SLC2A1: variants seen among roughly 807,000 people sequenced by gnomAD.
The protein encoded by SLC2A1 is solute carrier family 2, facilitated glucose transporter member 1.
A neutral mutation model predicts 46.6 loss-of-function variants in SLC2A1; 4 were observed. The ratio of observed to expected loss-of-function variants is 0.09; its 90% confidence interval spans 0.04 to 0.20. The LOEUF (loss-of-function observed/expected upper bound fraction) is 0.20, where lower values mean the gene tolerates loss of function less well. Among genes scored for constraint, SLC2A1 ranks in the 10% least tolerant of loss-of-function variants. SLC2A1 has a pLI of 1.00. For synonymous variants in SLC2A1, 253 were observed against 270.0 expected, an observed-to-expected ratio of 0.94 and a Z score of 0.62; for missense variants, 352 against 667.0, an observed-to-expected ratio of 0.53 and a Z score of 5.20.
Position 42,943,948 on chromosome 1 carries a change from G to T in SLC2A1, c.19-627C>A, listed in dbSNP as rs115937370. ...CCCTACCCTTCCTGCTGTTCACAGG[G>T]CAGGAAACTGAGCCCTGAGAGGGTG... On this transcript the variant is annotated intron_variant, in intron 1 of 9. Coordinates refer to ENST00000426263, the MANE Select transcript of SLC2A1 (RefSeq NM_006516.4). 4.6e-3 allele frequency among the ~76,000 whole-genome samples: 703 copies of T among 152,250 alleles called. 7 individuals carry two copies. The highest frequency in any genetic ancestry group is 0.016 in the African/African-American group (660 of 41,542).
intron 2 of SLC2A1, among the ~76,000 whole-genome samples, chr1:42,934,800 T>C (rs1643525899): frequency 6.6e-6 from 1 of 152,132 alleles, no homozygotes; most frequent in Admixed American, 6.5e-5. Context: ...AAACACTTGA[T>C]GCTGCCACCA....
At chr1:42,946,620 G>A (rs569013867) in intron 1 of SLC2A1, among the ~76,000 whole-genome samples, 1 of 152,316 alleles carries the variant, frequency 6.6e-6, no homozygotes, top group Non-Finnish European at 1.5e-5. Context: ...AGTCTGCCAA[G>A]TGGGAAAGCA....
intron 2 of SLC2A1, among the ~76,000 whole-genome samples, chr1:42,933,620 G>A (rs1283001135): frequency 6.6e-6 from 1 of 152,134 alleles, no homozygotes; most frequent in Non-Finnish European, 1.5e-5. Context: ...GTTCTTCTGT[G>A]GACGAAACTA....
rs373252084 is a variant in SLC2A1, at chr1:42,947,565, TACACAC to T, written c.19-4250_19-4245del. On this transcript the variant is annotated intron_variant, in intron 1 of 9. Coordinates refer to ENST00000426263, the MANE Select transcript of SLC2A1 (RefSeq NM_006516.4). ...GGTGAAACCAGGTCTCTACTAAAAT[TACACAC>T]ACACACACACAAAAAAAAAAAAAAA... Among the ~76,000 whole-genome samples, 845 of 89,624 alleles carry T rather than the reference TACACAC, an allele frequency of 9.4e-3. 50 individuals carry two copies. Among genetic ancestry groups the T allele is most frequent in the Middle Eastern group, 0.039 (6 of 152 alleles). The allele number at this position is 89,624 out of a possible 152,430, so 58.8% of individuals were successfully genotyped here. A position where few individuals can be genotyped will look rare whatever the true frequency, so the allele number is the denominator to read the frequency against.
chr1:42,927,065 G>A lies in SLC2A1; in HGVS notation c.1455C>T (p.Pro485=), dbSNP rs781293364. ...CTCACACTTGGGAATCAGCCCCCAG[G>A]GGATGGAACAGCTCCTCGGGTGTCT... ...SDKTPEELFH[P]LGADSQV The change falls in exon 10 of 10, where the codon CCC becomes CCT. Residue 485 remains proline, a synonymous_variant. Coordinates refer to ENST00000426263, the MANE Select transcript of SLC2A1 (RefSeq NM_006516.4). This position sits in a 1 kb window ranked among gnomAD's most constrained non-coding sequence, Gnocchi z 5.3. 6.2e-7 allele frequency: 1 copy of A among 1,614,136 alleles called. No individual in the cohort carries two copies. Among genetic ancestry groups the A allele is most frequent in the South Asian group, 1.1e-5 (1 of 91,082 alleles).
At chr1:42,952,913 A>G (rs1382016751) in intron 1 of SLC2A1, among the ~76,000 whole-genome samples, 2 of 152,198 alleles carry the variant, frequency 1.3e-5, no homozygotes, top group Non-Finnish European at 2.9e-5. Flanking sequence ...GCACTCCCCA[A>G]GCCTGCTGCA....
chr1:42,953,243 A>G (rs1181209856), intron 1 of SLC2A1, among the ~76,000 whole-genome samples: 1 of 152,250 alleles, frequency 6.6e-6, no homozygotes, highest in African/African-American at 2.4e-5. Context: ...GTGTGGTCAC[A>G]AAGAGAGGAG....
chr1:42,951,145 T>C (rs188548277), intron 1 of SLC2A1, among the ~76,000 whole-genome samples: 1 of 152,286 alleles, frequency 6.6e-6, no homozygotes, highest in East Asian at 1.9e-4. Context: ...CTATGGAACT[T>C]GATAGGTTAG....
In SLC2A1 at chr1:42,930,199, G is replaced by A. The variant is rs1643474264; in HGVS notation, c.517-164C>T. ...AGCCCTGTTTCTCAGTTTCCTCATC[G>A]GTCACATGGGAAAAGTAGGACCTAC... On this transcript the variant is annotated intron_variant, in intron 4 of 9. Coordinates refer to ENST00000426263, the MANE Select transcript of SLC2A1 (RefSeq NM_006516.4). The surrounding 1 kb of genome is among the most constrained non-coding windows in gnomAD (Gnocchi z 6.2). 13 of 781,148 alleles carry A rather than the reference G, an allele frequency of 1.7e-5. No homozygotes were observed. Among genetic ancestry groups the A allele is most frequent in the South Asian group, 8.1e-5 (5 of 61,816 alleles). The allele number at this position is 781,148 out of a possible 1,614,324, so 48.4% of individuals were successfully genotyped here.
At chr1:42,956,600 T>TAAAAATAA (rs1201056122) in intron 1 of SLC2A1, among the ~76,000 whole-genome samples, 2 of 151,430 alleles carry the variant, frequency 1.3e-5, no homozygotes, top group Non-Finnish European at 2.9e-5. Flanking sequence ...AATAAATAAA[T>TAAAAATAA]AAAAATAAAA....
In SLC2A1 at chr1:42,945,277, T is replaced by G. The variant is rs180989327; in HGVS notation, c.19-1956A>C. Among the ~76,000 whole-genome samples the G allele has an allele frequency of 2.4e-3, 372 of 152,296 alleles. 3 individuals are homozygous for G. The Middle Eastern group carries it at 0.031, about 13-fold the overall frequency. The stretch of plus-strand genomic sequence containing the variant: ...TTTAAGAAAACGTGGCATAGTGATA[T>G]AATGGAATACATAACCTGGGAGTTC... On this transcript the variant is annotated intron_variant, in intron 1 of 9. Transcript: ENST00000426263.
chr1:42,930,954 A>AT lies in SLC2A1; in HGVS notation c.276-89dup. On this transcript the variant is annotated intron_variant, in intron 3 of 9. Transcript: ENST00000426263. This position sits in a 1 kb window ranked among gnomAD's most constrained non-coding sequence, Gnocchi z 6.2. The stretch of plus-strand genomic sequence containing the variant: ...AGAGGTAATACCCTGGAACAGGCAG[A>AT]TAAGTCTCCCCTACCTCCCACCCCA... The AT allele has an allele frequency of 6.2e-7, 1 of 1,607,172 alleles. No individual in the cohort carries two copies. The highest frequency in any genetic ancestry group is 8.5e-7 in the Non-Finnish European group (1 of 1,177,738).
rs182055085 is a variant in SLC2A1, at chr1:42,940,333, G to C, written c.114+2893C>G. 1.5e-4 allele frequency among the ~76,000 whole-genome samples: 22 copies of C among 151,564 alleles called. No homozygotes were observed. In the East Asian group the frequency reaches 3.9e-3, roughly 27 times the overall value. The stretch of plus-strand genomic sequence containing the variant: ...CCTCTTCTGCATTCAGCAATGTGGA[G>C]AGGCTTGCCCAGTTCAACCCCTGGG... On this transcript the variant is annotated intron_variant, in intron 2 of 9. Coordinates refer to ENST00000426263, the MANE Select transcript of SLC2A1 (RefSeq NM_006516.4).
At chr1:42,932,139 C>G (rs889950551) in intron 2 of SLC2A1, among the ~76,000 whole-genome samples, 2 of 152,150 alleles carry the variant, frequency 1.3e-5, no homozygotes, top group Non-Finnish European at 2.9e-5. Flanking sequence ...GCGAGCACCC[C>G]CTTGAAGGAC....
chr1:42,952,034 G>A (rs1237868284), intron 1 of SLC2A1: 2 of 427,392 alleles, frequency 4.7e-6, no homozygotes, highest in African/African-American at 4.0e-5. Context: ...GGGTGATGAG[G>A]GGGCCCAGAT....
intron 1 of SLC2A1, chr1:42,951,587 G>C (rs1419931227): frequency 2.8e-6 from 1 of 362,288 alleles, no homozygotes; most frequent in South Asian, 1.5e-4. Context: ...GAAGTCTTTA[G>C]GGTAAACACC....
At chr1:42,952,448 GTAGA>G (rs1479247645) in intron 1 of SLC2A1, 1 of 467,080 alleles carries the variant, frequency 2.1e-6, no homozygotes, top group Non-Finnish European at 4.3e-6. Context: ...TCACCAGGTT[GTAGA>G]TGGTGATGAT....
chr1:42,931,576 A>G (rs1259189105), intron 2 of SLC2A1, among the ~76,000 whole-genome samples: 1 of 152,100 alleles, frequency 6.6e-6, no homozygotes, highest in Non-Finnish European at 1.5e-5. Context: ...CTGTAATCCC[A>G]GCACTTTGGG....
In SLC2A1 at chr1:42,930,981, C is replaced by G. The variant is rs1238386544; in HGVS notation, c.275+65G>C. On this transcript the variant is annotated intron_variant, in intron 3 of 9. Transcript: ENST00000426263. The surrounding 1 kb of genome is among the most constrained non-coding windows in gnomAD (Gnocchi z 6.2). The stretch of plus-strand genomic sequence containing the variant: ...AAGTCTCCCCTACCTCCCACCCCAT[C>G]TGGGACTCCCTGGGCAGGAGGGCAT... The G allele has an allele frequency of 1.2e-6, 2 of 1,610,164 alleles. No homozygotes were observed. The highest frequency in any genetic ancestry group is 1.1e-5 in the South Asian group (1 of 90,838).
Sources: allele counts gnomAD v4.1 joint callset (sites outside exome capture counted in the v4.1 genomes callset), GRCh38; gene constraint gnomAD v4.1.1; non-coding constraint Gnocchi (gnomAD v3.1); transcripts MANE v1.5; gene names NCBI Gene and HGNC (gene_info 2026-07-23, HGNC 2026-07-21).